The following GALNT13 variants were observed in gnomAD, a reference collection of about 807,000 sequenced individuals.
GALNT13 encodes polypeptide N-acetylgalactosaminyltransferase 13.
A neutral mutation model predicts 64.2 loss-of-function variants in GALNT13; 28 were observed. The ratio of observed to expected loss-of-function variants is 0.44; its 90% CI spans 0.32 to 0.60. The LOEUF (loss-of-function observed/expected upper bound fraction) is 0.60. GALNT13 is among the 20% of genes least tolerant of loss of function. The pLI, the probability that GALNT13 is intolerant of heterozygous loss-of-function variation, is 0.05. For missense variants in GALNT13, 577 were observed against 669.8 expected (o/e 0.86, Z 1.53); for synonymous variants, 214 against 224.6 (o/e 0.95, Z 0.42).
chr2:154,198,730 A>G (rs1687014004), intron 4 of GALNT13, among the ~76,000 whole-genome samples: 1 of 152,032 alleles, frequency 6.6e-6, no homozygotes, highest in South Asian at 2.1e-4. Flanking sequence ...ATGACCCAGT[A>G]ACAAATTAGA....
At chr2:153,946,573 G>T (rs1386186027) in intron 3 of GALNT13, among the ~76,000 whole-genome samples, 4 of 152,028 alleles carry the variant, frequency 2.6e-5, no homozygotes, top group Non-Finnish European at 5.9e-5. Flanking sequence ...GCTGTTCCTT[G>T]TAAACAGCTG....
the GALNT13 span, among the ~76,000 whole-genome samples, chr2:153,699,965 G>A: frequency 6.6e-6 from 1 of 152,276 alleles, no homozygotes; most frequent in East Asian, 1.9e-4. Flanking sequence ...AATTGAAAAG[G>A]AGAGACTCCT....
At chr2:153,326,681 G>T in the GALNT13 span, among the ~76,000 whole-genome samples, 469 of 152,226 alleles carry the variant, frequency 3.1e-3, 19 homozygotes, top group East Asian at 0.082. Context: ...GGCAGGCCTG[G>T]TGGTAACAAA....
chr2:154,413,996 A>T (rs1470137502), intron 11 of GALNT13, among the ~76,000 whole-genome samples: 1 of 152,028 alleles, frequency 6.6e-6, no homozygotes, highest in Non-Finnish European at 1.5e-5. Flanking sequence ...CACATTTTTA[A>T]TGGATAAGCT....
At chr2:153,637,436 T>C in the GALNT13 span, among the ~76,000 whole-genome samples, 1 of 152,172 alleles carries the variant, frequency 6.6e-6, no homozygotes, top group Non-Finnish European at 1.5e-5. Context: ...TCTTCAGTTA[T>C]TCTTCATCTA....
At chr2:153,905,738 T>C (rs1688516510) in intron 2 of GALNT13, among the ~76,000 whole-genome samples, 1 of 152,014 alleles carries the variant, frequency 6.6e-6, no homozygotes, top group Non-Finnish European at 1.5e-5. Context: ...AGCAAACAAC[T>C]TTTTCCCTTT....
At chr2:153,738,347 A>G in the GALNT13 span, among the ~76,000 whole-genome samples, 1 of 152,028 alleles carries the variant, frequency 6.6e-6, no homozygotes, top group Non-Finnish European at 1.5e-5. Context: ...TGGAAATTTG[A>G]AAGTTGTATA....
At chr2:154,197,022 A>C (rs1449320981) in intron 4 of GALNT13, among the ~76,000 whole-genome samples, 1 of 152,186 alleles carries the variant, frequency 6.6e-6, no homozygotes, top group Non-Finnish European at 1.5e-5. Flanking sequence ...GTACACATGA[A>C]AGCCTTTTCG....
intron 3 of GALNT13, among the ~76,000 whole-genome samples, chr2:154,106,891 A>C (rs187263086): frequency 2.6e-4 from 39 of 152,264 alleles, no homozygotes; most frequent in African/African-American, 8.4e-4. Context: ...TTTGATCCCC[A>C]GTGTTTTAGG....
intron 4 of GALNT13, among the ~76,000 whole-genome samples, chr2:154,180,630 G>T (rs369245736): frequency 1.3e-5 from 2 of 151,954 alleles, no homozygotes; most frequent in East Asian, 1.9e-4. Context: ...CATAATAAGC[G>T]TAGTTAAAAT....
At chr2:154,241,859 A>G (rs1318549409) in intron 4 of GALNT13, among the ~76,000 whole-genome samples, 171 bp from the exon 5 acceptor site, 1 of 152,212 alleles carries the variant, frequency 6.6e-6, no homozygotes, top group Non-Finnish European at 1.5e-5. Flanking sequence ...TCAGAATGCC[A>G]ACTGATTACT....
chr2:154,074,611 A>C (rs1365515956), intron 3 of GALNT13, among the ~76,000 whole-genome samples: 1 of 151,912 alleles, frequency 6.6e-6, no homozygotes, highest in African/African-American at 2.4e-5. Flanking sequence ...TCTTGATACC[A>C]AAATCTGGTA....
chr2:153,769,345 G>A, the GALNT13 span, among the ~76,000 whole-genome samples: 1 of 152,080 alleles, frequency 6.6e-6, no homozygotes, highest in Non-Finnish European at 1.5e-5. Context: ...ATGAAGGTTA[G>A]TGTGGCAGGA....
At chr2:154,121,437 G>A (rs1276228687) in intron 3 of GALNT13, among the ~76,000 whole-genome samples, 1 of 152,048 alleles carries the variant, frequency 6.6e-6, no homozygotes, top group Non-Finnish European at 1.5e-5. Flanking sequence ...CCACAGTGTT[G>A]TCTTCTAATC....
At chr2:153,291,373 C>G in the GALNT13 span, among the ~76,000 whole-genome samples, 1 of 152,122 alleles carries the variant, frequency 6.6e-6, no homozygotes, top group Non-Finnish European at 1.5e-5. Flanking sequence ...ACGTTTTTCA[C>G]TAATTCATGG....
the GALNT13 span, among the ~76,000 whole-genome samples, chr2:153,664,566 G>A: frequency 1.3e-5 from 2 of 152,178 alleles, no homozygotes; most frequent in African/African-American, 2.4e-5. Context: ...GGGATTAAGA[G>A]ATTAAAGTAA....
At chr2:154,261,620 A>G (rs980581610) in intron 8 of GALNT13, among the ~76,000 whole-genome samples, 1 of 152,212 alleles carries the variant, frequency 6.6e-6, no homozygotes, top group African/African-American at 2.4e-5. Flanking sequence ...CAACAAACAT[A>G]CATTGAGCAA....
intron 3 of GALNT13, among the ~76,000 whole-genome samples, chr2:154,115,941 T>C (rs1703272776): frequency 6.6e-6 from 1 of 152,156 alleles, no homozygotes. Flanking sequence ...TCCTCATGGG[T>C]CACACTCTGA....
At chr2:153,951,438 G>A (rs13400566) in intron 3 of GALNT13, among the ~76,000 whole-genome samples, 30,761 of 152,090 alleles carry the variant, frequency 0.2, 4,067 homozygotes, top group Middle Eastern at 0.33. Flanking sequence ...AGGAAATGAT[G>A]TCTGCTTAGA....
Sources: allele counts gnomAD v4.1 joint callset (sites outside exome capture counted in the v4.1 genomes callset), GRCh38; gene constraint gnomAD v4.1.1; transcripts MANE v1.5; gene names NCBI Gene and HGNC (gene_info 2026-07-23, HGNC 2026-07-21).